Variants in SCG5 observed in about 807,000 individuals in gnomAD.
SCG5 encodes the protein neuroendocrine protein 7B2.
In SCG5, 18 loss-of-function variants were observed where a neutral mutation model predicts 25.7. The ratio of observed to expected loss-of-function variants is 0.70; its 90% CI spans 0.48 to 1.04. The LOEUF (loss-of-function observed/expected upper bound fraction) is 1.04. Among genes scored for constraint, SCG5 ranks in the 50% least tolerant of loss-of-function variants. The probability of loss-of-function intolerance (pLI) is 0.00; values close to 1 mark genes in which losing one functional copy is unlikely to be tolerated. For missense variants in SCG5, 206 were observed against 259.8 expected, an observed-to-expected ratio of 0.79 and a Z score of 1.42; for synonymous variants, 101 against 91.7, an observed-to-expected ratio of 1.10 and a Z score of -0.58.
At chr15:32,688,775 A>G (rs940966190) in intron 4 of SCG5, among the ~76,000 whole-genome samples, 11 of 151,904 alleles carry the variant, frequency 7.2e-5, no homozygotes, top group Non-Finnish European at 1.3e-4. Context: ...TGGCTAACAC[A>G]GTGAAACCCC....
At chr15:32,696,465 G>C in intron 5 of SCG5, 49 bp from the exon 6 acceptor site, 1 of 1,306,598 alleles carries the variant, frequency 7.7e-7, no homozygotes, top group South Asian at 1.2e-5. Context: ...TGTATCTGAT[G>C]TTCACATATA....
intron 4 of SCG5, 110 bp downstream of exon 4, chr15:32,684,779 C>T: frequency 1.4e-6 from 1 of 689,708 alleles, no homozygotes; most frequent in Non-Finnish European, 2.5e-6. Context: ...TATTTAGAAG[C>T]TAATTTTTCA....
chr15:32,649,841 T>C (rs1420412886), intron 2 of SCG5, among the ~76,000 whole-genome samples: 1 of 152,208 alleles, frequency 6.6e-6, no homozygotes, highest in Non-Finnish European at 1.5e-5. Context: ...CCCGTAGCCG[T>C]ACTATTTTCT....
At chr15:32,678,220 T>C (rs1030249796) in intron 2 of SCG5, among the ~76,000 whole-genome samples, 1 of 152,186 alleles carries the variant, frequency 6.6e-6, no homozygotes, top group Non-Finnish European at 1.5e-5. Context: ...ACTACATAAA[T>C]ATTAAAAACG....
Position 32,657,209 on chromosome 15 carries a change from A to ATATATATGTATG in SCG5, c.226+13394_226+13395insATATGTATGTAT. ...TTCTTTCATCCTCCTGTATATATAT[A>ATATATATGTATG]TATGTATGTATTTCCAGGTGTAAGT... On this transcript the variant is annotated intron_variant, in intron 2 of 5. Coordinates refer to ENST00000300175, the MANE Select transcript of SCG5 (RefSeq NM_001144757.3). Among the ~76,000 whole-genome samples, 56 of 38,726 alleles carry ATATATATGTATG rather than the reference A, an allele frequency of 1.4e-3. 19 individuals carry two copies. The South Asian group carries it at 0.05, about 34-fold the overall frequency. 25.4% of individuals were successfully genotyped at this position (38,726 alleles called of 152,430 possible). A position where few individuals can be genotyped will look rare whatever the true frequency, so the allele number is the denominator to read the frequency against.
Position 32,643,675 on chromosome 15 carries a change from G to T in SCG5, c.83G>T (p.Ser28Ile), listed in dbSNP as rs1471121189. The T allele has an allele frequency of 6.2e-7, 1 of 1,613,804 alleles. No homozygotes were observed. The highest frequency in any genetic ancestry group is 1.7e-5 in the Admixed American group (1 of 60,000). Residue 28 changes from serine (S) to isoleucine (I), a missense_variant, in exon 2 of 6, where the codon AGC (serine) becomes ATC (isoleucine). Physicochemically the swap from Ser to Ile is moderately radical, Grantham distance 142 (BLOSUM62 -2). Coordinates refer to ENST00000300175, the MANE Select transcript of SCG5 (RefSeq NM_001144757.3). ...GGATGGACTCCAGCATTTGCTTACAGCCCCCGGACCCCTGACCGGGTCTCA... is the reference window on the plus strand; with the variant it reads ...GGATGGACTCCAGCATTTGCTTACATCCCCCGGACCCCTGACCGGGTCTCA... ...ASGWTPAFAY[S>I]PRTPDRVSEA...
intron 2 of SCG5, among the ~76,000 whole-genome samples, chr15:32,650,969 G>A (rs1322439854): frequency 2.0e-5 from 3 of 152,140 alleles, no homozygotes; most frequent in East Asian, 1.9e-4. Context: ...AGGCCGAGGC[G>A]GGCGGATCAC....
intron 4 of SCG5, among the ~76,000 whole-genome samples, chr15:32,691,418 G>C (rs1051149199): frequency 1.3e-5 from 2 of 152,130 alleles, no homozygotes; most frequent in African/African-American, 4.8e-5. Flanking sequence ...TGAGGAGATG[G>C]GTTTCCAGCA....
rs201644489 is a variant in SCG5 at position 32,696,511 on chromosome 15, C to T, written c.544-3C>T. Reference sequence around the variant, plus strand: ...ACATGGTTTTTGTTTGTTTGTTTTTCAGAGTGTCAATCCATATCTACAAGG... The same window carrying T: ...ACATGGTTTTTGTTTGTTTGTTTTTTAGAGTGTCAATCCATATCTACAAGG... On this transcript the variant is annotated splice_region_variant and splice_polypyrimidine_tract_variant and intron_variant, in intron 5 of 5. Coordinates refer to ENST00000300175, the MANE Select transcript of SCG5 (RefSeq NM_001144757.3). 2,254 of 1,603,696 alleles carry T rather than the reference C, an allele frequency of 1.4e-3. 5 individuals are homozygous for T. The highest frequency in any genetic ancestry group is 1.7e-3 in the Non-Finnish European group (2,032 of 1,171,878).
chr15:32,643,539 A>G, intron 1 of SCG5, 47 bp from the exon 2 acceptor site: 1 of 1,421,990 alleles, frequency 7.0e-7, no homozygotes, highest in Non-Finnish European at 9.9e-7. Flanking sequence ...TATTATCACA[A>G]TTGCCGATTG....
intron 2 of SCG5, among the ~76,000 whole-genome samples, chr15:32,645,402 G>C (rs1230014215): frequency 6.6e-6 from 1 of 152,154 alleles, no homozygotes; most frequent in Non-Finnish European, 1.5e-5. Flanking sequence ...CTATATACCA[G>C]GCACTAGGCA....
At chr15:32,642,568 CAAAAAAAAAAAAAAA>C (rs11338067) in intron 1 of SCG5, among the ~76,000 whole-genome samples, 2 of 49,730 alleles carry the variant, frequency 4.0e-5, no homozygotes, top group African/African-American at 1.6e-4. Flanking sequence ...AACTCCGTCT[CAAAAAAAAAAAAAAA>C]AAAAAAAAAA....
At chr15:32,695,936 G>A (rs1266724846) in intron 5 of SCG5, among the ~76,000 whole-genome samples, 3 of 152,018 alleles carry the variant, frequency 2.0e-5, no homozygotes, top group African/African-American at 7.2e-5. Context: ...AGACCACATT[G>A]TATCTGATAA....
chr15:32,693,343 A>G (rs1158934783), intron 5 of SCG5, among the ~76,000 whole-genome samples: 12 of 152,232 alleles, frequency 7.9e-5, no homozygotes. Context: ...ATTTTACTTT[A>G]GCCTCAATTT....
chr15:32,663,631 C>G (rs2054274421), intron 2 of SCG5, among the ~76,000 whole-genome samples: 1 of 152,162 alleles, frequency 6.6e-6, no homozygotes, highest in Admixed American at 6.5e-5. Context: ...TGAAAGATTC[C>G]TGGCCCCTAA....
intron 2 of SCG5, chr15:32,665,924 AAAAAT>A (rs1328746975): frequency 3.3e-5 from 5 of 152,230 alleles, no homozygotes; most frequent in African/African-American, 1.2e-4. Context: ...AATCCTAAGA[AAAAAT>A]AAACAAACAT....
intron 2 of SCG5, among the ~76,000 whole-genome samples, chr15:32,650,972 C>T (rs553585573): frequency 3.9e-5 from 6 of 152,238 alleles, no homozygotes; most frequent in South Asian, 4.1e-4. Flanking sequence ...CCGAGGCGGG[C>T]GGATCACCTG....
intron 2 of SCG5, among the ~76,000 whole-genome samples, chr15:32,644,307 T>C (rs1229137054): frequency 6.6e-6 from 1 of 152,194 alleles, no homozygotes; most frequent in African/African-American, 2.4e-5. Flanking sequence ...ACCTACAGGA[T>C]CTGACTTGAT....
rs1567084764 is a variant in SCG5 at position 32,679,811 on chromosome 15, T to A, written c.272T>A (p.Ile91Asn). ...GLQHLGPFGN[I>N]PNIVAELTGD... ...CAGCATTTGGGTCCTTTTGGCAACATCCCCAACATCGTGGCAGAGTTGACT... is the reference window on the plus strand; with the variant it reads ...CAGCATTTGGGTCCTTTTGGCAACAACCCCAACATCGTGGCAGAGTTGACT... The change falls in exon 3 of 6, where the codon ATC (isoleucine) becomes AAC (asparagine). Residue 91 changes from isoleucine (I) to asparagine (N), a missense_variant. Transcript: ENST00000300175. The A allele has an allele frequency of 2.5e-6, 4 of 1,613,940 alleles. No individual in the cohort carries two copies. The highest frequency in any genetic ancestry group is 3.4e-6 in the Non-Finnish European group (4 of 1,179,864).
Sources: gnomAD v4.1 joint callset for allele counts (sites outside exome capture counted in the v4.1 genomes callset) on GRCh38, gnomAD v4.1.1 for gene constraint, MANE v1.5 for transcripts, NCBI Gene and HGNC (gene_info 2026-07-23, HGNC 2026-07-21) for gene names.